The following RFTN1 variants were observed in gnomAD, a reference collection of about 807,000 sequenced individuals.
The protein encoded by RFTN1 is raftlin, lipid raft linker 1, also known as raftlin.
Under a neutral mutation model 46.5 loss-of-function variants are expected in RFTN1, and 26 were observed. The ratio of observed to expected loss-of-function variants is 0.56; its 90% CI spans 0.41 to 0.78. The LOEUF (loss-of-function observed/expected upper bound fraction) is 0.78. RFTN1 is among the 30% of genes least tolerant of loss of function. RFTN1 has a pLI of 0.00. For synonymous variants in RFTN1, 261 were observed against 284.2 expected, an observed-to-expected ratio of 0.92 and a Z score of 0.82; for missense variants, 693 against 718.7, an observed-to-expected ratio of 0.96 and a Z score of 0.41.
At chr3:16,490,411 C>T (rs1035544161) in intron 2 of RFTN1, among the ~76,000 whole-genome samples, 8 of 152,142 alleles carry the variant, frequency 5.3e-5, no homozygotes, top group African/African-American at 9.6e-5. Flanking sequence ...GGGTCCTAGG[C>T]GGGGGCAGTG....
At position 16,334,279 on chromosome 3, in the gene RFTN1, G is replaced by A. The variant is rs530593840; in HGVS notation, c.1147-7403C>T. ...GGCAGCCCGCTTTGTTGCCAAGGCC[G>A]TGGGGAAGCATGCGTTCTTGTACAT... is the stretch of plus-strand genomic sequence containing the variant. On this transcript the variant is annotated intron_variant, in intron 7 of 9. Coordinates refer to ENST00000334133, the MANE Select transcript of RFTN1 (RefSeq NM_015150.2). The surrounding 1 kb of genome is among the most constrained non-coding windows in gnomAD (Gnocchi z 4.3). Among the ~76,000 whole-genome samples the A allele has an allele frequency of 2.6e-5, 4 of 152,312 alleles. No homozygotes were observed. Among genetic ancestry groups the A allele is most frequent in the East Asian group, 3.9e-4 (2 of 5,182 alleles).
At position 16,437,465 on chromosome 3, in the gene RFTN1, C is replaced by T. The variant is rs536740624; in HGVS notation, c.146-3428G>A. On this transcript the variant is annotated intron_variant, in intron 2 of 9. Transcript: ENST00000334133. ...CTTGAGCCCAGGAGTTTGAGACTAG[C>T]CTAGGCAATAGGGCAAAACTCCATC... Among the ~76,000 whole-genome samples the T allele has an allele frequency of 2.6e-5, 4 of 152,070 alleles. No individual in the cohort carries two copies. The South Asian group carries it at 8.3e-4, about 32-fold the overall frequency.
At chr3:16,453,592 A>G (rs991543099) in intron 2 of RFTN1, among the ~76,000 whole-genome samples, 12 of 152,258 alleles carry the variant, frequency 7.9e-5, no homozygotes, top group African/African-American at 2.9e-4. Context: ...AAGAAAAACA[A>G]AGCCTTTTAA....
intron 4 of RFTN1, among the ~76,000 whole-genome samples, chr3:16,393,875 C>T (rs2125408034): frequency 6.6e-6 from 1 of 152,110 alleles, no homozygotes; most frequent in African/African-American, 2.4e-5. Context: ...TAGCCAGGAT[C>T]ATCTCGATCT....
At chr3:16,461,211 G>C (rs1043260940) in intron 2 of RFTN1, among the ~76,000 whole-genome samples, 6 of 151,578 alleles carry the variant, frequency 4.0e-5, no homozygotes, top group African/African-American at 1.5e-4. Flanking sequence ...GCTATAATGA[G>C]TTTCTTAGGC....
intron 2 of RFTN1, among the ~76,000 whole-genome samples, chr3:16,492,983 G>A (rs553094132): frequency 3.3e-4 from 51 of 152,314 alleles, no homozygotes; most frequent in African/African-American, 1.2e-3. Flanking sequence ...TAGGTGACCC[G>A]ACTCCCTCTG....
chr3:16,404,914 C>G (rs1274938250), intron 4 of RFTN1, among the ~76,000 whole-genome samples: 1 of 152,094 alleles, frequency 6.6e-6, no homozygotes, highest in African/African-American at 2.4e-5. Flanking sequence ...GCTTAGTTTC[C>G]TGGTGTCTAG....
At chr3:16,369,088 TAAG>T (rs2073377773) in intron 6 of RFTN1, among the ~76,000 whole-genome samples, 1 of 152,238 alleles carries the variant, frequency 6.6e-6, no homozygotes, top group South Asian at 2.1e-4. Context: ...CATCCAAAAT[TAAG>T]AGCTGTCTGT....
At chr3:16,476,750 G>A (rs1037631522) in intron 2 of RFTN1, among the ~76,000 whole-genome samples, 1 of 152,148 alleles carries the variant, frequency 6.6e-6, no homozygotes, top group Non-Finnish European at 1.5e-5. Context: ...ACCATCGTGG[G>A]GGAAACTGTT....
intron 8 of RFTN1, among the ~76,000 whole-genome samples, chr3:16,324,016 T>G (rs2069389327): frequency 6.6e-6 from 1 of 152,220 alleles, no homozygotes; most frequent in Non-Finnish European, 1.5e-5. Flanking sequence ...GCGACTCGTA[T>G]CTTACAATAC....
Position 16,384,313 on chromosome 3 carries a change from G to A in RFTN1, c.442-6211C>T, listed in dbSNP as rs1559312145. Among the ~76,000 whole-genome samples the A allele has an allele frequency of 3.3e-5, 5 of 152,288 alleles. No individual in the cohort carries two copies. The South Asian group carries it at 8.3e-4, about 25-fold the overall frequency. On this transcript the variant is annotated intron_variant, in intron 4 of 9. Transcript: ENST00000334133. This position sits in a 1 kb window ranked among gnomAD's most constrained non-coding sequence, Gnocchi z 4.7. ...TTTTCTCTCTTCCCACCAGGAGGTAGGGGAAAATAAGATAGCACAGGGCAA... is the reference window on the plus strand; with the variant it reads ...TTTTCTCTCTTCCCACCAGGAGGTAAGGGAAAATAAGATAGCACAGGGCAA...
intron 7 of RFTN1, among the ~76,000 whole-genome samples, chr3:16,333,552 C>G (rs2070534734): frequency 6.6e-6 from 1 of 152,160 alleles, no homozygotes; most frequent in African/African-American, 2.4e-5. Context: ...TCCAATCCCC[C>G]TCATTTAATA....
In RFTN1 at chr3:16,473,651, C is replaced by T. The variant is rs767075401; in HGVS notation, c.145+20074G>A. ...GGAACTCCTGAGCTCAGGCAATCCA[C>T]CCGCCTTGGCCTCCCAAAGTGCTAA... On this transcript the variant is annotated intron_variant, in intron 2 of 9. Coordinates refer to ENST00000334133, the MANE Select transcript of RFTN1 (RefSeq NM_015150.2). The surrounding 1 kb of genome is among the most constrained non-coding windows in gnomAD (Gnocchi z 5.3). Among the ~76,000 whole-genome samples, 12 of 152,182 alleles carry T rather than the reference C, an allele frequency of 7.9e-5. No homozygotes were observed. Among genetic ancestry groups the T allele is most frequent in the Non-Finnish European group, 1.8e-4 (12 of 68,036 alleles).
Position 16,442,486 on chromosome 3 carries a change from C to T in RFTN1, c.146-8449G>A, listed in dbSNP as rs1333249493. On this transcript the variant is annotated intron_variant, in intron 2 of 9. Coordinates refer to ENST00000334133, the MANE Select transcript of RFTN1 (RefSeq NM_015150.2). This position sits in a 1 kb window ranked among gnomAD's most constrained non-coding sequence, Gnocchi z 4.1. ...TGTTGTGTATATTCAAGGTGTACAA[C>T]ATGATGCCTCAATGTATATATACTT... 6.6e-6 allele frequency among the ~76,000 whole-genome samples: 1 copy of T among 152,130 alleles called. No individual in the cohort carries two copies. The highest frequency in any genetic ancestry group is 1.5e-5 in the Non-Finnish European group (1 of 68,034).
chr3:16,395,119 A>C (rs979475213), intron 4 of RFTN1, among the ~76,000 whole-genome samples: 1 of 152,266 alleles, frequency 6.6e-6, no homozygotes, highest in African/African-American at 2.4e-5. Context: ...GTGCAATTAA[A>C]TTATTATAAG....
Position 16,457,784 on chromosome 3 carries a change from T to C in RFTN1, c.146-23747A>G, listed in dbSNP as rs1161569872. Among the ~76,000 whole-genome samples, 1 of 152,198 alleles carries C rather than the reference T, an allele frequency of 6.6e-6. No individual in the cohort carries two copies. Reference sequence around the variant, plus strand: ...GATAGACATGGCTGTGGTCTGAATGTGTCTCCCCCAAATTTATGTGTTGGA... The same window carrying C: ...GATAGACATGGCTGTGGTCTGAATGCGTCTCCCCCAAATTTATGTGTTGGA... On this transcript the variant is annotated intron_variant, in intron 2 of 9. Transcript: ENST00000334133. This position sits in a 1 kb window ranked among gnomAD's most constrained non-coding sequence, Gnocchi z 4.2.
rs533779583 is a variant in RFTN1 at position 16,449,398 on chromosome 3, C to T, written c.146-15361G>A. On this transcript the variant is annotated intron_variant, in intron 2 of 9. Coordinates refer to ENST00000334133, the MANE Select transcript of RFTN1 (RefSeq NM_015150.2). The surrounding 1 kb of genome is among the most constrained non-coding windows in gnomAD (Gnocchi z 5.1). ...TAGCCATATGACTTTGGGTGAATTACGAATGCTTATGGGCCTCAATTTTTG... is the reference window on the plus strand; with the variant it reads ...TAGCCATATGACTTTGGGTGAATTATGAATGCTTATGGGCCTCAATTTTTG... Among the ~76,000 whole-genome samples the T allele has an allele frequency of 8.5e-5, 13 of 152,072 alleles. No homozygotes were observed. The highest frequency in any genetic ancestry group is 1.8e-4 in the Non-Finnish European group (12 of 68,020).
rs564036450 is a variant in RFTN1 at position 16,499,412 on chromosome 3, C to A, written c.-8-5535G>T. On this transcript the variant is annotated intron_variant, in intron 1 of 9. Transcript: ENST00000334133. The surrounding 1 kb of genome is among the most constrained non-coding windows in gnomAD (Gnocchi z 4.9). ...GTGCCTGCTCGTGGAATCCAGCCAC[C>A]ATGCCATGAGGAAGCTCAAGTAGCC... Among the ~76,000 whole-genome samples, 1 of 152,330 alleles carries A rather than the reference C, an allele frequency of 6.6e-6. No individual in the cohort carries two copies. Among genetic ancestry groups the A allele is most frequent in the South Asian group, 2.1e-4 (1 of 4,812 alleles).
Position 16,377,771 on chromosome 3 carries a change from A to C in RFTN1, c.773T>G (p.Leu258Arg), listed in dbSNP as rs1489044752. 6.2e-7 allele frequency: 1 copy of C among 1,613,510 alleles called. No individual in the cohort carries two copies. Among genetic ancestry groups the C allele is most frequent in the Non-Finnish European group, 8.5e-7 (1 of 1,179,532 alleles). The change falls in exon 5 of 10, where the codon CTG (leucine) becomes CGG (arginine). Residue 258 changes from leucine (L) to arginine (R), a missense_variant. Coordinates refer to ENST00000334133, the MANE Select transcript of RFTN1 (RefSeq NM_015150.2). ...CAAGGGGTTGCTCTCCGGTCCATCC[A>C]GTGTCTTGCTCACCCCCTGTGGTGA... Reference protein sequence around the residue: ...ELSPQGVSKTLDGPESNPLEV... With the variant: ...ELSPQGVSKTRDGPESNPLEV...
Sources: gnomAD v4.1 joint callset for allele counts (sites outside exome capture counted in the v4.1 genomes callset) on GRCh38, gnomAD v4.1.1 for gene constraint, Gnocchi (gnomAD v3.1) non-coding constraint, MANE v1.5 for transcripts, NCBI Gene and HGNC (gene_info 2026-07-23, HGNC 2026-07-21) for gene names.